Variants in NELL2 observed in about 807,000 individuals in gnomAD.
NELL2 encodes protein kinase C-binding protein NELL2.
A neutral mutation model predicts 109.6 loss-of-function variants in NELL2; 41 were observed. That is an observed-to-expected ratio of 0.37 (90% CI 0.29 to 0.49). The LOEUF (loss-of-function observed/expected upper bound fraction) is 0.49, where lower values mean the gene tolerates loss of function less well. NELL2 is among the 20% of genes least tolerant of loss of function. The probability of loss-of-function intolerance (pLI) is 0.98; values close to 1 mark genes in which losing one functional copy is unlikely to be tolerated. For missense variants in NELL2, 900 were observed against 1,008.3 expected (o/e 0.89, Z 1.45); for synonymous variants, 355 against 344.7 (o/e 1.03, Z -0.33).
intron 13 of NELL2, among the ~76,000 whole-genome samples, chr12:44,618,305 C>G (rs1302178355): frequency 1.3e-5 from 2 of 152,134 alleles, no homozygotes; most frequent in East Asian, 3.8e-4. Context: ...CTTCAGTTTG[C>G]TTGGCAACTA....
rs1373402144 is a variant in NELL2, at chr12:44,523,313, C to G, written c.1976G>C (p.Arg659Thr). Residue 659 changes from arginine to threonine, a missense_variant, in exon 17 of 20, where the codon AGG becomes ACG. Arg to Thr is a moderately conservative substitution (Grantham distance 71, BLOSUM62 -1). Coordinates refer to ENST00000429094, the MANE Select transcript of NELL2 (RefSeq NM_001145108.2). ...AACCTGACATGAGCACACAGAGCAC[C>G]TGTCATTTTCCAACACCCAAATCTG... ...NGQIWVLEND[R>T]CSVCSCQNGF... 6.2e-7 allele frequency: 1 copy of G among 1,614,112 alleles called. No individual in the cohort carries two copies. The highest frequency in any genetic ancestry group is 1.7e-5 in the Admixed American group (1 of 60,024).
chr12:44,666,767 T>C (rs957653328), intron 12 of NELL2, among the ~76,000 whole-genome samples: 1 of 152,214 alleles, frequency 6.6e-6, no homozygotes, highest in African/African-American at 2.4e-5. Flanking sequence ...TCCAAACCTC[T>C]TATCTGAGCC....
intron 13 of NELL2, among the ~76,000 whole-genome samples, chr12:44,640,672 T>G (rs960543206): frequency 6.8e-6 from 1 of 146,864 alleles, no homozygotes; most frequent in Middle Eastern, 3.5e-3. Context: ...TTGTATTTTG[T>G]TTTTTTTTTT....
chr12:44,509,861 G>A lies in NELL2; in HGVS notation c.2401-877C>T, dbSNP rs1474508848. ...TGTCCAGGGTAGACTGTTCTGTGAG[G>A]TGATATTTAAACCGAGACCTGGAGA... On this transcript the variant is annotated intron_variant, in intron 19 of 19. Transcript: ENST00000429094. 2.0e-5 allele frequency among the ~76,000 whole-genome samples: 3 copies of A among 152,104 alleles called. No individual in the cohort carries two copies. In the East Asian group the frequency reaches 5.8e-4, roughly 29 times the overall value.
chr12:44,780,129 A>T, intron 3 of NELL2, 107 bp from the exon 4 acceptor site: 1 of 1,080,262 alleles, frequency 9.3e-7, no homozygotes, highest in South Asian at 1.5e-5. Flanking sequence ...TAGTTCTCCC[A>T]CTAAGTACAA....
At chr12:44,781,453 G>C (rs558400629) in intron 3 of NELL2, among the ~76,000 whole-genome samples, 1 of 151,958 alleles carries the variant, frequency 6.6e-6, no homozygotes, top group African/African-American at 2.4e-5. Context: ...GAGGAGAAAG[G>C]AGGCGAGCTT....
At chr12:44,806,057 C>T (rs1487717182) in intron 3 of NELL2, among the ~76,000 whole-genome samples, 2 of 151,274 alleles carry the variant, frequency 1.3e-5, no homozygotes, top group Middle Eastern at 3.2e-3. Context: ...ATAATCCCAC[C>T]CTTTAGAGAC....
intron 3 of NELL2, among the ~76,000 whole-genome samples, chr12:44,794,425 G>T (rs184195189): frequency 6.6e-6 from 1 of 152,106 alleles, no homozygotes; most frequent in Non-Finnish European, 1.5e-5. Flanking sequence ...CAACAAACAC[G>T]CTTTCCTGAG....
At chr12:44,622,766 A>C (rs1946105710) in intron 13 of NELL2, among the ~76,000 whole-genome samples, 1 of 152,150 alleles carries the variant, frequency 6.6e-6, no homozygotes. Context: ...TATGGGGCAA[A>C]AGAAACCTAT....
intron 13 of NELL2, among the ~76,000 whole-genome samples, chr12:44,664,311 C>T (rs1947849775): frequency 6.6e-6 from 1 of 152,064 alleles, no homozygotes; most frequent in Admixed American, 6.6e-5. Context: ...AATCCATCAG[C>T]ATTTTTATAT....
intron 15 of NELL2, among the ~76,000 whole-genome samples, chr12:44,562,713 T>C (rs1487354908): frequency 6.6e-6 from 1 of 152,234 alleles, no homozygotes; most frequent in African/African-American, 2.4e-5. Context: ...TTTTACACTG[T>C]TGGTGGGAGT....
intron 9 of NELL2, among the ~76,000 whole-genome samples, chr12:44,749,721 G>A (rs955883845): frequency 2.0e-5 from 3 of 152,206 alleles, no homozygotes; most frequent in African/African-American, 4.8e-5. Flanking sequence ...TACTGAGGGC[G>A]TTCTTACAGC....
chr12:44,809,542 C>G (rs1943108279), intron 3 of NELL2, among the ~76,000 whole-genome samples: 1 of 151,994 alleles, frequency 6.6e-6, no homozygotes, highest in Non-Finnish European at 1.5e-5. Context: ...AGCCAAAACT[C>G]TTTTTACACT....
rs536383085 is a variant in NELL2, at chr12:44,870,664, T to C, written c.184+4561A>G. On this transcript the variant is annotated intron_variant, in intron 2 of 19. Transcript: ENST00000429094. ...CTGCAGTCCTTGGCTTGTGGCCCAC[T>C]ATCACCTTTAAAGCCACCAGTGGCC... is the stretch of plus-strand genomic sequence containing the variant. Among the ~76,000 whole-genome samples the C allele has an allele frequency of 3.5e-4, 54 of 152,304 alleles. 1 individual carries two copies. The highest frequency in any genetic ancestry group is 7.8e-4 in the Admixed American group (12 of 15,296).
intron 15 of NELL2, among the ~76,000 whole-genome samples, chr12:44,543,603 A>C (rs1487633859): frequency 6.6e-6 from 1 of 152,190 alleles, no homozygotes; most frequent in East Asian, 1.9e-4. Context: ...TGAAGACTAC[A>C]TTTCCCAAAA....
chr12:44,808,780 AC>A (rs1943083365), intron 3 of NELL2, among the ~76,000 whole-genome samples: 1 of 152,022 alleles, frequency 6.6e-6, no homozygotes, highest in Admixed American at 6.6e-5. Flanking sequence ...CATGACAAGC[AC>A]TCACAAACAT....
intron 18 of NELL2, among the ~76,000 whole-genome samples, chr12:44,520,793 A>G (rs1441805350): frequency 1.3e-5 from 2 of 152,218 alleles, no homozygotes; most frequent in Non-Finnish European, 2.9e-5. Flanking sequence ...TCCACACAGG[A>G]AAATTGTGTG....
chr12:44,872,826 T>C (rs898500428), intron 2 of NELL2, among the ~76,000 whole-genome samples: 1 of 152,206 alleles, frequency 6.6e-6, no homozygotes, highest in African/African-American at 2.4e-5. Flanking sequence ...TATATGTATA[T>C]ACCGTACAAA....
chr12:44,677,651 C>T (rs900016695), intron 12 of NELL2, among the ~76,000 whole-genome samples: 1 of 151,974 alleles, frequency 6.6e-6, no homozygotes, highest in Non-Finnish European at 1.5e-5. Context: ...TCACTTGATA[C>T]TAGTTTCAGT....
Sources: gnomAD v4.1 joint callset for allele counts (sites outside exome capture counted in the v4.1 genomes callset) on GRCh38, gnomAD v4.1.1 for gene constraint, MANE v1.5 for transcripts, NCBI Gene and HGNC (gene_info 2026-07-23, HGNC 2026-07-21) for gene names.